The following ACAA2 variants were observed in gnomAD, a reference collection of about 807,000 sequenced individuals.
The protein encoded by ACAA2 is acetyl-CoA acyltransferase 2, also known as 3-ketoacyl-CoA thiolase, mitochondrial.
Under a neutral mutation model 44.8 loss-of-function variants are expected in ACAA2, and 35 were observed. The observed-to-expected ratio is 0.78, with a 90% confidence interval of 0.60 to 1.04. The LOEUF (loss-of-function observed/expected upper bound fraction) is 1.04. ACAA2 is among the 50% of genes least tolerant of loss of function. The pLI, the probability that ACAA2 is intolerant of heterozygous loss-of-function variation, is 0.00. For missense variants in ACAA2, 468 were observed against 482.6 expected, an observed-to-expected ratio of 0.97 and a Z score of 0.28; for synonymous variants, 142 against 166.5, an observed-to-expected ratio of 0.85 and a Z score of 1.13.
intron 1 of ACAA2, among the ~76,000 whole-genome samples, chr18:49,806,364 T>C (rs1334878646): frequency 1.3e-5 from 2 of 152,218 alleles, no homozygotes; most frequent in African/African-American, 4.8e-5. Context: ...TAGCCATTCA[T>C]GTGTAGGTCA....
intron 3 of ACAA2, among the ~76,000 whole-genome samples, chr18:49,796,751 ACACT>A (rs1196717878): frequency 6.6e-6 from 1 of 151,944 alleles, no homozygotes; most frequent in Non-Finnish European, 1.5e-5. Context: ...CTCACAGGTA[ACACT>A]CACAGACCTG....
Position 49,791,463 on chromosome 18 carries a change from A to G in ACAA2, c.883+7T>C, listed in dbSNP as rs1367618357. On this transcript the variant is annotated splice_region_variant and intron_variant, in intron 7 of 9. Coordinates refer to ENST00000285093, the MANE Select transcript of ACAA2 (RefSeq NM_006111.3). ...TATAGAACCAGTTTGTTTTACTATA[A>G]ACTTACCAATACCCATGATAGAGGG... 1.2e-6 allele frequency: 2 copies of G among 1,609,394 alleles called. No individual in the cohort carries two copies. The highest frequency in any genetic ancestry group is 2.7e-5 in the African/African-American group (2 of 74,788).
intron 8 of ACAA2, chr18:49,785,692 C>A: frequency 3.9e-6 from 1 of 256,238 alleles, no homozygotes. Context: ...TAGGGTGTGA[C>A]CTTATGCATA....
rs747748736 is a variant in ACAA2, at chr18:49,794,339, TTG to T, written c.516_517del (p.His172GlnfsTer8). ...TTTGTCACATTCTTCTCTGCTTATTTTGTGTTTTACAGCAAGATTCTCTGCAG... is the reference window on the plus strand; with the variant it reads ...TTTGTCACATTCTTCTCTGCTTATTTTGTTTTACAGCAAGATTCTCTGCAG... On this transcript the variant is annotated frameshift_variant, in exon 5 of 10. Transcript: ENST00000285093. LOFTEE classifies it high-confidence loss of function. The T allele has an allele frequency of 1.2e-6, 2 of 1,611,078 alleles. No individual in the cohort carries two copies. Among genetic ancestry groups the T allele is most frequent in the African/African-American group, 1.3e-5 (1 of 74,856 alleles).
chr18:49,792,455 T>G, intron 5 of ACAA2, 128 bp from the exon 6 acceptor site: 1 of 908,062 alleles, frequency 1.1e-6, no homozygotes, highest in Non-Finnish European at 1.6e-6. Flanking sequence ...GAGTCTTTAT[T>G]AATTTTTGAG....
At chr18:49,801,011 T>A (rs897991670) in intron 2 of ACAA2, among the ~76,000 whole-genome samples, 1 of 152,042 alleles carries the variant, frequency 6.6e-6, no homozygotes, top group African/African-American at 2.4e-5. Flanking sequence ...CTATTCAACA[T>A]TGGAGATTCT....
chr18:49,788,789 A>G (rs2023363775), intron 7 of ACAA2, among the ~76,000 whole-genome samples: 3 of 152,228 alleles, frequency 2.0e-5, no homozygotes, highest in Non-Finnish European at 4.4e-5. Flanking sequence ...ATGCTAGGCC[A>G]TAACTCGATT....
chr18:49,788,441 C>T (rs963404408), intron 7 of ACAA2, among the ~76,000 whole-genome samples: 1 of 152,154 alleles, frequency 6.6e-6, no homozygotes, highest in African/African-American at 2.4e-5. Flanking sequence ...GGACAACAAA[C>T]CACGTGCTTA....
intron 2 of ACAA2, among the ~76,000 whole-genome samples, chr18:49,801,814 A>ATATATATATATATATATATC (rs1491158195): frequency 7.4e-5 from 10 of 134,998 alleles, no homozygotes; most frequent in African/African-American, 2.2e-4. Context: ...ATATATATAT[A>ATATATATATATATATATATC]TCTTATCTTT....
At chr18:49,806,618 CAT>C (rs1473748418) in intron 1 of ACAA2, among the ~76,000 whole-genome samples, 2 of 152,186 alleles carry the variant, frequency 1.3e-5, no homozygotes, top group East Asian at 3.8e-4. Context: ...AGTTAATCCA[CAT>C]ATGAGGAAAC....
chr18:49,813,332 C>G, intron 1 of ACAA2, 137 bp downstream of exon 1: 1 of 656,440 alleles, frequency 1.5e-6, no homozygotes, highest in Non-Finnish European at 2.2e-6. Context: ...GTTTTTATCA[C>G]GTCCGCTCCA....
Position 49,795,881 on chromosome 18 carries a change from C to G in ACAA2, c.313G>C (p.Glu105Gln), listed in dbSNP as rs945560872. 4 of 1,601,314 alleles carry G rather than the reference C, an allele frequency of 2.5e-6. No individual in the cohort carries two copies. The highest frequency in any genetic ancestry group is 3.4e-6 in the Non-Finnish European group (4 of 1,171,914). ...ACTTCAGCTTCTTTAACACAAATTT[C>G]CTATTTAAAAACAAACAGTAATAAA... ...GFQSIVNGCQ[E>Q]ICVKEAEVVL... is the part of the protein sequence containing the mutation. Residue 105 changes from glutamate to glutamine, a missense_variant and splice_region_variant, in exon 4 of 10, where the codon GAA (glutamate) becomes CAA (glutamine). Glu to Gln is a conservative substitution (Grantham distance 29). Coordinates refer to ENST00000285093, the MANE Select transcript of ACAA2 (RefSeq NM_006111.3).
At chr18:49,797,670 A>G in intron 2 of ACAA2, 76 bp from the exon 3 acceptor site, 1 of 1,245,306 alleles carries the variant, frequency 8.0e-7, no homozygotes, top group Non-Finnish European at 1.1e-6. Flanking sequence ...AATACATGGA[A>G]ATGTTGGCAA....
chr18:49,803,840 A>C (rs1371026707), intron 1 of ACAA2, among the ~76,000 whole-genome samples: 1 of 152,110 alleles, frequency 6.6e-6, no homozygotes, highest in Non-Finnish European at 1.5e-5. Context: ...GGAAACTTTC[A>C]GTAAGAGGGC....
At position 49,784,487 on chromosome 18, in the gene ACAA2, A is replaced by T. The variant is rs749669703; in HGVS notation, c.1110-556T>A. Among the ~76,000 whole-genome samples, 3 of 152,328 alleles carry T rather than the reference A, an allele frequency of 2.0e-5. No homozygotes were observed. The East Asian group carries it at 5.8e-4, about 29-fold the overall frequency. On this transcript the variant is annotated intron_variant, in intron 9 of 9. Coordinates refer to ENST00000285093, the MANE Select transcript of ACAA2 (RefSeq NM_006111.3). ...AGTACTCCTCACTCCTAATATGATG[A>T]CTTCGAGAAAATTATCCAGGAATTA...
intron 4 of ACAA2, 81 bp from the exon 5 acceptor site, chr18:49,794,508 A>G: frequency 8.8e-7 from 1 of 1,138,782 alleles, no homozygotes; most frequent in Non-Finnish European, 1.1e-6. Context: ...TAAATAATCA[A>G]CACTTCCAAT....
At chr18:49,793,674 C>G (rs2023432175) in intron 5 of ACAA2, among the ~76,000 whole-genome samples, 1 of 152,154 alleles carries the variant, frequency 6.6e-6, no homozygotes, top group Non-Finnish European at 1.5e-5. Flanking sequence ...TTTTAAATAT[C>G]ACATTTCTTC....
intron 8 of ACAA2, 39 bp from the exon 9 acceptor site, chr18:49,785,390 T>C (rs779349518): frequency 6.2e-7 from 1 of 1,600,548 alleles, no homozygotes; most frequent in Non-Finnish European, 8.5e-7. Flanking sequence ...AAATCCTTAC[T>C]CACAAACTAA....
At chr18:49,784,934 A>G (rs1272142522) in intron 9 of ACAA2, among the ~76,000 whole-genome samples, 1 of 152,118 alleles carries the variant, frequency 6.6e-6, no homozygotes, top group African/African-American at 2.4e-5. Flanking sequence ...TGCAGTGAAC[A>G]CAAGCTGAGT....
Sources: allele counts gnomAD v4.1 joint callset (sites outside exome capture counted in the v4.1 genomes callset), GRCh38; gene constraint gnomAD v4.1.1; transcripts MANE v1.5; gene names NCBI Gene and HGNC (gene_info 2026-07-23, HGNC 2026-07-21).